The following PPP4R4 variants were observed in gnomAD, a reference collection of about 807,000 sequenced individuals.
PPP4R4 encodes serine/threonine-protein phosphatase 4 regulatory subunit 4.
In PPP4R4, 70 loss-of-function variants were observed where a neutral mutation model predicts 121.8. The observed-to-expected ratio is 0.57, with a 90% CI of 0.47 to 0.70. PPP4R4 has a LOEUF of 0.70. Ranked by LOEUF, PPP4R4 falls within the 30% of genes least tolerant of loss-of-function variation. PPP4R4 has a pLI of 0.00. For missense variants in PPP4R4, 875 were observed against 1,033.6 expected, an observed-to-expected ratio of 0.85 and a Z score of 2.10; for synonymous variants, 348 against 355.7, an observed-to-expected ratio of 0.98 and a Z score of 0.24.
intron 15 of PPP4R4, among the ~76,000 whole-genome samples, chr14:94,250,725 AAGTC>A (rs1452615212): frequency 6.6e-6 from 1 of 151,978 alleles, no homozygotes; most frequent in African/African-American, 2.4e-5. Context: ...TTAAGAAACT[AAGTC>A]AGTTTACAAA....
At chr14:94,188,508 G>C (rs1889413560) in intron 2 of PPP4R4, among the ~76,000 whole-genome samples, 1 of 151,962 alleles carries the variant, frequency 6.6e-6, no homozygotes, top group South Asian at 2.1e-4. Flanking sequence ...ATAGCATATG[G>C]ACCTAGTCTT....
In PPP4R4 at chr14:94,278,686, A is replaced by G; in HGVS notation, c.*43A>G. ...GGAGGCAAAACAAAGGCAGCAGGAG[A>G]TAATGTGATTGGTACACAAAAGCTA... is the stretch of plus-strand genomic sequence containing the variant. On this transcript the variant is annotated 3_prime_UTR_variant, in exon 25 of 25. Transcript: ENST00000304338. The G allele has an allele frequency of 3.9e-6, 6 of 1,532,842 alleles. No individual in the cohort carries two copies. Among genetic ancestry groups the G allele is most frequent in the Non-Finnish European group, 5.3e-6 (6 of 1,133,938 alleles). The allele number at this position is 1,532,842 out of a possible 1,614,324, so 95.0% of individuals were successfully genotyped here.
intron 22 of PPP4R4, 87 bp downstream of exon 22, chr14:94,265,974 CAG>C (rs755830307): frequency 1.0e-6 from 1 of 952,456 alleles, no homozygotes; most frequent in Non-Finnish European, 1.5e-6. Flanking sequence ...TTATAAAAAT[CAG>C]AATTAATTTT....
chr14:94,227,712 A>G, intron 3 of PPP4R4: 5 of 1,013,388 alleles, frequency 4.9e-6, no homozygotes, highest in Non-Finnish European at 5.9e-6. Context: ...TGACTTTAAG[A>G]GGGGGCAGAA....
chr14:94,212,465 G>A (rs1890794665), intron 3 of PPP4R4, among the ~76,000 whole-genome samples: 1 of 152,102 alleles, frequency 6.6e-6, no homozygotes, highest in Non-Finnish European at 1.5e-5. Context: ...TGTGTGCTAA[G>A]TGGGCAATGA....
At chr14:94,263,060 G>T (rs970369683) in intron 19 of PPP4R4, among the ~76,000 whole-genome samples, 4 of 151,778 alleles carry the variant, frequency 2.6e-5, no homozygotes, top group African/African-American at 9.7e-5. Flanking sequence ...TTTAGCTTTT[G>T]TTTTTAGCAG....
chr14:94,255,169 T>C (rs548208653), intron 16 of PPP4R4, among the ~76,000 whole-genome samples: 1 of 152,264 alleles, frequency 6.6e-6, no homozygotes, highest in Non-Finnish European at 1.5e-5. Flanking sequence ...CTTTCTTATC[T>C]GCTTTTGCTC....
Position 94,265,842 on chromosome 14 carries a change from A to C in PPP4R4, c.2333A>C (p.Asn778Thr). ...CTGATTCGAAGCCAGTCTTTTAATA[A>C]TCAAGCTTTTCATGCAAAATATGGC... ...SKLIRSQSFNNQAFHAKYGNL... is the reference protein window; with the variant it reads ...SKLIRSQSFNTQAFHAKYGNL... Residue 778 changes from asparagine (N) to threonine (T), a missense_variant, in exon 22 of 25, where the codon AAT (asparagine) becomes ACT (threonine). By Grantham distance (65) the Asn-to-Thr change is moderately conservative. Transcript: ENST00000304338. 6.2e-7 allele frequency: 1 copy of C among 1,610,196 alleles called. No individual in the cohort carries two copies. The highest frequency in any genetic ancestry group is 1.1e-5 in the South Asian group (1 of 90,766).
chr14:94,218,386 C>T (rs1404171685), intron 3 of PPP4R4, among the ~76,000 whole-genome samples: 1 of 105,246 alleles, frequency 9.5e-6, no homozygotes, highest in Non-Finnish European at 1.9e-5. Context: ...CACGCGCGTG[C>T]ACACACACAC....
chr14:94,240,155 A>G (rs1430562367), intron 8 of PPP4R4, among the ~76,000 whole-genome samples: 1 of 152,232 alleles, frequency 6.6e-6, no homozygotes, highest in African/African-American at 2.4e-5. Context: ...ATAATTGATT[A>G]ATTTTTTAAA....
chr14:94,254,304 A>G (rs1420471392), intron 16 of PPP4R4, among the ~76,000 whole-genome samples: 3 of 152,222 alleles, frequency 2.0e-5, no homozygotes, highest in African/African-American at 7.2e-5. Context: ...GTTAATGTTT[A>G]AAATTTAAAT....
chr14:94,234,580 T>G lies in PPP4R4; in HGVS notation c.642T>G (p.Leu214=). Residue 214 remains leucine (L), a synonymous_variant, in exon 7 of 25, where the codon CTT becomes CTG. Transcript: ENST00000304338. The part of the protein sequence containing the change: ...FDAHTIKREI[L]PLVKSLCQDV... ...CCTTCAGCATTAAGCGAGAAATACT[T>G]CCTCTGGTAAAATCACTCTGTCAAG... 1 of 1,600,630 alleles carries G rather than the reference T, an allele frequency of 6.2e-7. No homozygotes were observed. Among genetic ancestry groups the G allele is most frequent in the Non-Finnish European group, 8.6e-7 (1 of 1,168,798 alleles).
At chr14:94,199,250 T>C (rs1890039163) in intron 2 of PPP4R4, among the ~76,000 whole-genome samples, 1 of 152,230 alleles carries the variant, frequency 6.6e-6, no homozygotes, top group African/African-American at 2.4e-5. Context: ...ATATTTCATA[T>C]TGAAATAGGA....
At chr14:94,241,103 G>C (rs1455787456) in intron 9 of PPP4R4, among the ~76,000 whole-genome samples, 1 of 152,016 alleles carries the variant, frequency 6.6e-6, no homozygotes, top group Non-Finnish European at 1.5e-5. Context: ...TTAACTATTT[G>C]TACGTAGTAA....
chr14:94,237,852 T>C (rs73344815), intron 8 of PPP4R4, among the ~76,000 whole-genome samples, 166 bp downstream of exon 8: 5,001 of 152,342 alleles, frequency 0.033, 231 homozygotes, highest in African/African-American at 0.097. Flanking sequence ...GCTTTCACTT[T>C]TACCCTCATG....
chr14:94,241,556 T>C (rs1043104612), intron 9 of PPP4R4, among the ~76,000 whole-genome samples: 1 of 152,090 alleles, frequency 6.6e-6, no homozygotes, highest in Admixed American at 6.5e-5. Context: ...TCCTGCGTTA[T>C]GTAAGTTATA....
chr14:94,214,927 A>G (rs1256042606), intron 3 of PPP4R4, among the ~76,000 whole-genome samples: 1 of 152,246 alleles, frequency 6.6e-6, no homozygotes, highest in Non-Finnish European at 1.5e-5. Context: ...AAAATATTGT[A>G]TAAAATTACA....
At chr14:94,215,163 T>A (rs1361496370) in intron 3 of PPP4R4, among the ~76,000 whole-genome samples, 1 of 152,166 alleles carries the variant, frequency 6.6e-6, no homozygotes, top group Non-Finnish European at 1.5e-5. Context: ...TTTAGATATA[T>A]CCTTAAAAAA....
intron 3 of PPP4R4, among the ~76,000 whole-genome samples, chr14:94,228,074 C>T (rs1418548249): frequency 1.3e-5 from 2 of 152,238 alleles, no homozygotes; most frequent in African/African-American, 4.8e-5. Flanking sequence ...GTTGAAAAAA[C>T]ATGTAAAATA....
Sources: gnomAD v4.1 joint callset for allele counts (sites outside exome capture counted in the v4.1 genomes callset) on GRCh38, gnomAD v4.1.1 for gene constraint, MANE v1.5 for transcripts, NCBI Gene and HGNC (gene_info 2026-07-23, HGNC 2026-07-21) for gene names.